The following EXOC4 variants were observed in gnomAD, a reference collection of about 807,000 sequenced individuals.
EXOC4 encodes the protein SEC8-like 1.
In EXOC4, 71 loss-of-function variants were observed where a neutral mutation model predicts 107.2. The ratio of observed to expected loss-of-function variants is 0.66; its 90% CI spans 0.55 to 0.81. The LOEUF is 0.81. Ranked by LOEUF, EXOC4 falls within the 30% of genes least tolerant of loss-of-function variation. EXOC4 has a pLI of 0.00. For synonymous variants in EXOC4, 456 were observed against 441.2 expected (o/e 1.03, Z -0.42); for missense variants, 1,108 against 1,189.6 (o/e 0.93, Z 1.01).
At chr7:133,364,297 T>C in intron 6 of EXOC4, among the ~76,000 whole-genome samples, 1 of 151,612 alleles carries the variant, frequency 6.6e-6, no homozygotes. Flanking sequence ...TGCCTAGCTA[T>C]TTAAAGTATT....
intron 14 of EXOC4, among the ~76,000 whole-genome samples, chr7:133,980,989 G>C (rs904261573): frequency 1.3e-5 from 2 of 152,170 alleles, no homozygotes; most frequent in Non-Finnish European, 2.9e-5. Flanking sequence ...ACAGATTAAA[G>C]GGGAGGTACT....
chr7:133,587,295 A>G (rs1017286418), intron 9 of EXOC4, among the ~76,000 whole-genome samples: 2 of 152,222 alleles, frequency 1.3e-5, no homozygotes, highest in Non-Finnish European at 2.9e-5. Context: ...TCCAGTTTTT[A>G]TTAGTCCAGA....
intron 9 of EXOC4, among the ~76,000 whole-genome samples, chr7:133,504,448 G>C (rs951027604): frequency 3.3e-5 from 5 of 152,082 alleles, no homozygotes; most frequent in Admixed American, 1.3e-4. Flanking sequence ...TAAGGAACTT[G>C]ATTTGCTTTA....
intron 17 of EXOC4, among the ~76,000 whole-genome samples, chr7:134,022,232 T>G (rs1422287026): frequency 6.6e-6 from 1 of 152,240 alleles, no homozygotes; most frequent in Non-Finnish European, 1.5e-5. Context: ...AATTTGTATT[T>G]TTCAGTTTTC....
At chr7:133,794,100 G>T (rs1796763147) in intron 10 of EXOC4, among the ~76,000 whole-genome samples, 1 of 152,144 alleles carries the variant, frequency 6.6e-6, no homozygotes, top group Non-Finnish European at 1.5e-5. Flanking sequence ...AGGACCTTGA[G>T]CTTCTCCTCA....
chr7:133,533,376 C>G (rs541753702), intron 9 of EXOC4, among the ~76,000 whole-genome samples: 13 of 152,066 alleles, frequency 8.5e-5, no homozygotes, highest in Non-Finnish European at 1.9e-4. Context: ...GAATGACAGC[C>G]TGTGCCAGGA....
chr7:134,011,972 C>G (rs1446918418), intron 17 of EXOC4, among the ~76,000 whole-genome samples: 1 of 151,472 alleles, frequency 6.6e-6, no homozygotes, highest in Non-Finnish European at 1.5e-5. Context: ...CAGGAAAGAA[C>G]GTCTAAGGGT....
intron 7 of EXOC4, among the ~76,000 whole-genome samples, chr7:133,473,151 T>G (rs909905104): frequency 1.3e-5 from 2 of 152,180 alleles, no homozygotes; most frequent in East Asian, 3.8e-4. Context: ...GCTGAAAATC[T>G]TATTAGCAGC....
At chr7:133,997,744 T>C (rs888340925) in intron 15 of EXOC4, 111 bp downstream of exon 15, 1 of 1,239,912 alleles carries the variant, frequency 8.1e-7, no homozygotes, top group African/African-American at 1.5e-5. Context: ...ATTATTGATG[T>C]TATCCCTTTT....
chr7:133,958,544 C>G (rs1435243946), intron 14 of EXOC4, among the ~76,000 whole-genome samples: 1 of 152,162 alleles, frequency 6.6e-6, no homozygotes, highest in African/African-American at 2.4e-5. Flanking sequence ...TTTGACTTCT[C>G]TTTCTTTTTC....
In EXOC4 at chr7:133,388,999, A is replaced by T. The variant is rs565723692; in HGVS notation, c.1182+13997A>T. Among the ~76,000 whole-genome samples the T allele has an allele frequency of 2.6e-5, 4 of 152,202 alleles. No homozygotes were observed. The South Asian group carries it at 8.3e-4, about 32-fold the overall frequency. ...TGGATCTGGCGCCTTGATCAGATTT[A>T]AGTTGATTTTTGGGGACGTAATTAC... On this transcript the variant is annotated intron_variant, in intron 7 of 17. Coordinates refer to ENST00000253861, the MANE Select transcript of EXOC4 (RefSeq NM_021807.4).
At chr7:134,032,872 C>T (rs777905325) in intron 17 of EXOC4, among the ~76,000 whole-genome samples, 2 of 152,168 alleles carry the variant, frequency 1.3e-5, no homozygotes, top group African/African-American at 2.4e-5. Context: ...TAATGCCATG[C>T]ATTGAAAGTT....
At chr7:133,398,915 T>A (rs1156342605) in intron 7 of EXOC4, among the ~76,000 whole-genome samples, 1 of 152,244 alleles carries the variant, frequency 6.6e-6, no homozygotes, top group Non-Finnish European at 1.5e-5. Context: ...TATTATTTTT[T>A]AATTACATTT....
At chr7:133,860,164 G>A (rs1476971393) in intron 11 of EXOC4, among the ~76,000 whole-genome samples, 2 of 152,280 alleles carry the variant, frequency 1.3e-5, no homozygotes, top group East Asian at 3.9e-4. Context: ...AAAATCCAAA[G>A]CCTGTAGGCC....
At chr7:133,457,672 G>C (rs1323632405) in intron 7 of EXOC4, among the ~76,000 whole-genome samples, 1 of 152,172 alleles carries the variant, frequency 6.6e-6, no homozygotes, top group Non-Finnish European at 1.5e-5. Context: ...CAGGGACTCT[G>C]CCGGAAGGAC....
chr7:133,814,940 T>C (rs746847981), intron 10 of EXOC4, among the ~76,000 whole-genome samples: 1 of 152,262 alleles, frequency 6.6e-6, no homozygotes, highest in East Asian at 1.9e-4. Context: ...GGTTATTCAT[T>C]TTATGTTTTC....
intron 10 of EXOC4, among the ~76,000 whole-genome samples, chr7:133,737,851 A>T (rs987015714): frequency 1.3e-5 from 2 of 150,140 alleles, no homozygotes; most frequent in African/African-American, 4.9e-5. Flanking sequence ...AGTTGGACCC[A>T]TATACTTTTA....
At position 133,615,181 on chromosome 7, in the gene EXOC4, G is replaced by T. The variant is rs181225885; in HGVS notation, c.1418-14864G>T. Among the ~76,000 whole-genome samples, 325 of 151,896 alleles carry T rather than the reference G, an allele frequency of 2.1e-3. 2 individuals are homozygous for T. The highest frequency in any genetic ancestry group is 7.7e-3 in the African/African-American group (320 of 41,438). On this transcript the variant is annotated intron_variant, in intron 9 of 17. Transcript: ENST00000253861. ...TGCACTGAGTATGCCTGACTCTCCGGCCTCCCCTTCTACTTTCCCCACCTC... is the reference window on the plus strand; with the variant it reads ...TGCACTGAGTATGCCTGACTCTCCGTCCTCCCCTTCTACTTTCCCCACCTC...
At chr7:133,615,356 G>A (rs565404149) in intron 9 of EXOC4, among the ~76,000 whole-genome samples, 33 of 152,132 alleles carry the variant, frequency 2.2e-4, no homozygotes, top group African/African-American at 7.5e-4. Flanking sequence ...TAGTAAAATT[G>A]TCTCTTCCTT....
Sources: allele counts gnomAD v4.1 joint callset (sites outside exome capture counted in the v4.1 genomes callset), GRCh38; gene constraint gnomAD v4.1.1; transcripts MANE v1.5; gene names NCBI Gene and HGNC (gene_info 2026-07-23, HGNC 2026-07-21).